Variants in FOXN3 observed in about 807,000 individuals in gnomAD.
The protein encoded by FOXN3 is forkhead box N3.
In FOXN3, 7 loss-of-function variants were observed where a neutral mutation model predicts 38.4. The ratio of observed to expected loss-of-function variants is 0.18; its 90% confidence interval spans 0.10 to 0.34. The LOEUF is 0.34. FOXN3 is among the 10% of genes least tolerant of loss of function. FOXN3 has a pLI of 1.00. For synonymous variants in FOXN3, 230 were observed against 242.2 expected (o/e 0.95, Z 0.47); for missense variants, 456 against 613.4 (o/e 0.74, Z 2.71).
At chr14:89,194,717 T>TAAAA (rs36091299) in intron 4 of FOXN3, among the ~76,000 whole-genome samples, 1,642 of 146,956 alleles carry the variant, frequency 0.011, 36 homozygotes, top group African/African-American at 0.037. Context: ...GTGCTCACTG[T>TAAAA]AAAAAAAAAA....
chr14:89,225,298 GTC>G (rs1352841123), intron 4 of FOXN3, among the ~76,000 whole-genome samples: 1 of 151,038 alleles, frequency 6.6e-6, no homozygotes, highest in Non-Finnish European at 1.5e-5. Flanking sequence ...GAGTGAGACT[GTC>G]TCTGAAAAAT....
At chr14:89,574,827 C>G (rs545711418) in intron 1 of FOXN3, among the ~76,000 whole-genome samples, 1 of 152,086 alleles carries the variant, frequency 6.6e-6, no homozygotes, top group African/African-American at 2.4e-5. Context: ...GAGGCTCCTC[C>G]AATTCTTAAA....
chr14:89,330,828 G>GAATCCA (rs1474489573), intron 3 of FOXN3, among the ~76,000 whole-genome samples: 6 of 152,312 alleles, frequency 3.9e-5, no homozygotes, highest in African/African-American at 1.4e-4. Context: ...CCAGAATCAA[G>GAATCCA]GCCACACTTG....
chr14:89,520,282 G>A (rs935770472), intron 1 of FOXN3, among the ~76,000 whole-genome samples: 5 of 152,150 alleles, frequency 3.3e-5, no homozygotes, highest in African/African-American at 1.2e-4. Context: ...CCAGGCTGGA[G>A]TGCAAGTTGG....
At chr14:89,281,262 C>A (rs1425373422) in intron 3 of FOXN3, among the ~76,000 whole-genome samples, 1 of 152,134 alleles carries the variant, frequency 6.6e-6, no homozygotes, top group Non-Finnish European at 1.5e-5. Flanking sequence ...CTGGAATGAC[C>A]GACAGATACA....
intron 2 of FOXN3, among the ~76,000 whole-genome samples, chr14:89,365,523 T>C (rs1890113856): frequency 6.6e-6 from 1 of 152,210 alleles, no homozygotes; most frequent in African/African-American, 2.4e-5. Context: ...AAAATCACTA[T>C]CTAGCTAAAT....
At chr14:89,507,841 C>T (rs1893978774) in intron 1 of FOXN3, among the ~76,000 whole-genome samples, 2 of 151,626 alleles carry the variant, frequency 1.3e-5, no homozygotes, top group South Asian at 4.1e-4. Flanking sequence ...GGAAATGACA[C>T]ATTTAAGGAC....
intron 3 of FOXN3, among the ~76,000 whole-genome samples, chr14:89,338,306 T>G (rs1266153741): frequency 6.6e-5 from 10 of 152,240 alleles, no homozygotes; most frequent in Non-Finnish European, 1.5e-4. Context: ...ACTCTTATAA[T>G]CTATGCTATG....
intron 3 of FOXN3, among the ~76,000 whole-genome samples, chr14:89,344,744 A>C (rs1381624062): frequency 1.3e-5 from 2 of 152,236 alleles, no homozygotes; most frequent in Non-Finnish European, 2.9e-5. Context: ...GACATTGAGA[A>C]AGGTTAGAAA....
intron 3 of FOXN3, among the ~76,000 whole-genome samples, chr14:89,338,375 T>G (rs965609757): frequency 2.1e-4 from 32 of 152,192 alleles, no homozygotes; most frequent in African/African-American, 7.7e-4. Context: ...CATGTGAAGT[T>G]TATAGCACCA....
chr14:89,566,755 C>CCCTCCT (rs71107531), intron 1 of FOXN3, among the ~76,000 whole-genome samples: 24 of 149,048 alleles, frequency 1.6e-4, no homozygotes, highest in African/African-American at 6.0e-4. Flanking sequence ...CTTTACCATT[C>CCCTCCT]CCTCCTCCTC....
chr14:89,504,227 G>A (rs1893861727), intron 1 of FOXN3, among the ~76,000 whole-genome samples: 1 of 152,214 alleles, frequency 6.6e-6, no homozygotes, highest in Non-Finnish European at 1.5e-5. Context: ...CCAACCCCCA[G>A]AAGACCAAAA....
chr14:89,287,881 A>G (rs1250987049), intron 3 of FOXN3, among the ~76,000 whole-genome samples: 2 of 151,630 alleles, frequency 1.3e-5, no homozygotes, highest in African/African-American at 2.4e-5. Flanking sequence ...AAAATAAAAC[A>G]TTTTTTTATT....
At chr14:89,572,398 A>G (rs1157995766) in intron 1 of FOXN3, among the ~76,000 whole-genome samples, 1 of 152,216 alleles carries the variant, frequency 6.6e-6, no homozygotes, top group African/African-American at 2.4e-5. Flanking sequence ...ATAAGAAGAA[A>G]AGCTGGCCAC....
chr14:89,472,987 T>C (rs1442106666), intron 1 of FOXN3, among the ~76,000 whole-genome samples: 1 of 152,114 alleles, frequency 6.6e-6, no homozygotes, highest in Non-Finnish European at 1.5e-5. Flanking sequence ...TGCATTTGCA[T>C]TGCCCACCAA....
chr14:89,218,175 C>T (rs891156107), intron 4 of FOXN3, among the ~76,000 whole-genome samples: 1 of 152,148 alleles, frequency 6.6e-6, no homozygotes. Context: ...CTGCACCTAT[C>T]TGTGTAATAT....
intron 4 of FOXN3, among the ~76,000 whole-genome samples, chr14:89,250,009 T>A (rs1885409064): frequency 6.6e-6 from 1 of 152,180 alleles, no homozygotes; most frequent in African/African-American, 2.4e-5. Context: ...GTGAGACAGG[T>A]TCTGTGGCCT....
chr14:89,238,183 C>A (rs890125269), intron 4 of FOXN3, among the ~76,000 whole-genome samples: 2 of 152,194 alleles, frequency 1.3e-5, no homozygotes, highest in Admixed American at 6.5e-5. Flanking sequence ...TGGGAATCCC[C>A]GCAGGTGAGT....
chr14:89,324,694 T>C (rs1253197634), intron 3 of FOXN3, among the ~76,000 whole-genome samples: 1 of 152,098 alleles, frequency 6.6e-6, no homozygotes, highest in Non-Finnish European at 1.5e-5. Flanking sequence ...CCCACACACA[T>C]GGGTCCCCTG....
Sources: gnomAD v4.1 joint callset for allele counts (sites outside exome capture counted in the v4.1 genomes callset) on GRCh38, gnomAD v4.1.1 for gene constraint, MANE v1.5 for transcripts, NCBI Gene and HGNC (gene_info 2026-07-23, HGNC 2026-07-21) for gene names.